Variants in BTD observed in about 807,000 individuals in gnomAD.
BTD encodes the protein biocytinase.
In BTD, 13 loss-of-function variants were observed where a neutral mutation model predicts 17.7. The observed-to-expected ratio is 0.74, with a 90% confidence interval of 0.48 to 1.17. BTD has a LOEUF of 1.17. Ranked by LOEUF, BTD falls within the 50% of genes most tolerant of loss-of-function variation. BTD has a pLI of 0.00. For synonymous variants in BTD, 240 were observed against 245.2 expected (o/e 0.98, Z 0.20); for missense variants, 674 against 650.4 (o/e 1.04, Z -0.39).
At chr3:15,688,699 G>A (rs908841819) in intron 3 of BTD, among the ~76,000 whole-genome samples, 6 of 152,190 alleles carry the variant, frequency 3.9e-5, no homozygotes, top group African/African-American at 1.4e-4. Flanking sequence ...GTATTCTTAA[G>A]GATCACTCTA....
rs1423147842 is a variant in BTD, at chr3:15,647,212, C to T, written c.*1724C>T. 6.6e-6 allele frequency: 1 copy of T among 152,246 alleles called. No homozygotes were observed. The highest frequency in any genetic ancestry group is 1.5e-5 in the Non-Finnish European group (1 of 68,054). 9.4% of individuals were successfully genotyped at this position (152,246 alleles called of 1,614,324 possible). On this transcript the variant is annotated 3_prime_UTR_variant, in exon 4 of 4. Coordinates refer to ENST00000643237, the MANE Select transcript of BTD (RefSeq NM_001370658.1). ...CTCGCCCAGCGCAGCTCCCACCAGG[C>T]GTGAGCTGGCAGTCCAGAAGCGGCC... is the stretch of plus-strand genomic sequence containing the variant.
intron 3 of BTD, among the ~76,000 whole-genome samples, chr3:15,659,088 T>C (rs1189240968): frequency 6.6e-6 from 1 of 152,202 alleles, no homozygotes; most frequent in African/African-American, 2.4e-5. Flanking sequence ...CAGGACCTAG[T>C]ACATTCTCAG....
chr3:15,669,564 T>G (rs1169511677), intron 3 of BTD: 14 of 152,010 alleles, frequency 9.2e-5, no homozygotes. Flanking sequence ...TTAATTCTAA[T>G]AGTATAAAAA....
At chr3:15,670,687 C>T (rs901728681) in intron 3 of BTD, 6 of 966,292 alleles carry the variant, frequency 6.2e-6, no homozygotes, top group Non-Finnish European at 6.0e-6. Flanking sequence ...ATTGCTGTAA[C>T]CAGCATGATT....
At chr3:15,643,711 A>G (rs928089299) in intron 3 of BTD, among the ~76,000 whole-genome samples, 7 of 151,688 alleles carry the variant, frequency 4.6e-5, no homozygotes, top group Admixed American at 2.0e-4. Flanking sequence ...CTTTTTTCTT[A>G]TTGATTTATG....
chr3:15,687,638 G>C (rs1194486395), intron 3 of BTD, among the ~76,000 whole-genome samples: 1 of 151,330 alleles, frequency 6.6e-6, no homozygotes, highest in Admixed American at 6.6e-5. Context: ...ATATTCCACA[G>C]TATGTTCCCA....
intron 1 of BTD, among the ~76,000 whole-genome samples, chr3:15,603,682 A>AAAAT (rs903913791): frequency 3.3e-5 from 5 of 152,180 alleles, no homozygotes; most frequent in African/African-American, 1.2e-4. Context: ...ATTAAATTTA[A>AAAAT]AAATAAATAA....
chr3:15,623,288 G>T (rs1303522081), intron 1 of BTD, among the ~76,000 whole-genome samples: 1 of 152,152 alleles, frequency 6.6e-6, no homozygotes, highest in Non-Finnish European at 1.5e-5. Flanking sequence ...CAATCTACAT[G>T]TGTCTTTATA....
intron 3 of BTD, among the ~76,000 whole-genome samples, chr3:15,706,010 C>CAA (rs1341158222): frequency 6.7e-6 from 1 of 149,812 alleles, no homozygotes; most frequent in Non-Finnish European, 1.5e-5. Context: ...CAAAACGAAA[C>CAA]AAAACAACAA....
At chr3:15,693,329 G>GAC (rs1013866939) in intron 3 of BTD, among the ~76,000 whole-genome samples, 1 of 145,120 alleles carries the variant, frequency 6.9e-6, no homozygotes, top group African/African-American at 2.5e-5. Flanking sequence ...TGGGGGGGCA[G>GAC]AGAGAGAGAG....
intron 2 of BTD, among the ~76,000 whole-genome samples, chr3:15,637,048 C>G (rs1048907400): frequency 3.9e-5 from 6 of 152,110 alleles, no homozygotes; most frequent in African/African-American, 1.4e-4. Context: ...ACTGCCACCA[C>G]GATTCTATCG....
chr3:15,690,617 T>C (rs968012454), intron 3 of BTD, among the ~76,000 whole-genome samples: 2 of 152,208 alleles, frequency 1.3e-5, no homozygotes, highest in Non-Finnish European at 2.9e-5. Flanking sequence ...CCAGCTGGAG[T>C]CCAGTGGCGT....
At chr3:15,705,999 T>TCAAAA (rs1036480794) in intron 3 of BTD, among the ~76,000 whole-genome samples, 6 of 151,036 alleles carry the variant, frequency 4.0e-5, no homozygotes, top group African/African-American at 1.2e-4. Context: ...AGATTCCATC[T>TCAAAA]CAAAACGAAA....
chr3:15,689,856 G>C (rs1295866688), intron 3 of BTD: 2 of 624,000 alleles, frequency 3.2e-6, no homozygotes, highest in Admixed American at 3.0e-5. Context: ...AAATTCATTT[G>C]TGTGAATAAA....
chr3:15,711,361 C>T (rs1291346737), exon 4 of BTD: 8 of 1,115,338 alleles, frequency 7.2e-6, no homozygotes, highest in Admixed American at 2.0e-5. Flanking sequence ...ATCACATCCT[C>T]CCCTCCAATC....
upstream of BTD, chr3:15,601,477 GCT>G: frequency 6.2e-7 from 1 of 1,612,114 alleles, no homozygotes; most frequent in South Asian, 1.1e-5. Flanking sequence ...CCACCGAAAA[GCT>G]CTAAGCACTC....
chr3:15,722,140 C>T (rs1049079496), exon 5 of BTD, among the ~76,000 whole-genome samples: 1 of 152,074 alleles, frequency 6.6e-6, no homozygotes, highest in Admixed American at 6.5e-5. Flanking sequence ...GTCCTTTGCC[C>T]CTGGCTTCAG....
rs2125504297 is a variant in BTD at position 15,645,059 on chromosome 3, C to T, written c.1143C>T (p.Asp381=). Residue 381 remains aspartate, a synonymous_variant, in exon 4 of 4, where the codon GAC becomes GAT. Coordinates refer to ENST00000643237, the MANE Select transcript of BTD (RefSeq NM_001370658.1). ...PPTFHSEMMY[D]NFTLVPVWGK... is the part of the protein sequence containing the mutation. ...CATTTCACTCTGAGATGATGTATGA[C>T]AATTTCACCCTGGTCCCTGTCTGGG... is the stretch of plus-strand genomic sequence containing the variant. The T allele has an allele frequency of 6.2e-7, 1 of 1,614,230 alleles. No homozygotes were observed.
downstream of BTD, among the ~76,000 whole-genome samples, chr3:15,716,300 T>TTC (rs2073038072): frequency 1.3e-5 from 2 of 149,170 alleles, no homozygotes; most frequent in East Asian, 2.0e-4. Flanking sequence ...TTTTTTTTTT[T>TTC]CCCTTAAAGA....
Sources: gnomAD v4.1 joint callset for allele counts (sites outside exome capture counted in the v4.1 genomes callset) on GRCh38, gnomAD v4.1.1 for gene constraint, MANE v1.5 for transcripts, NCBI Gene and HGNC (gene_info 2026-07-23, HGNC 2026-07-21) for gene names.